Variants in R3HDM2 observed in about 807,000 individuals in gnomAD.
R3HDM2 encodes the protein R3H domain containing 2.
A neutral mutation model predicts 124.5 loss-of-function variants in R3HDM2; 38 were observed. That is an observed-to-expected ratio of 0.31 (90% CI 0.24 to 0.40). The LOEUF (loss-of-function observed/expected upper bound fraction) is 0.40, where lower values mean the gene tolerates loss of function less well. Among genes scored for constraint, R3HDM2 ranks in the 10% least tolerant of loss-of-function variants. The pLI is 1.00. For synonymous variants in R3HDM2, 391 were observed against 448.0 expected (o/e 0.87, Z 1.61); for missense variants, 869 against 1,236.9 (o/e 0.70, Z 4.46).
intron 1 of R3HDM2, among the ~76,000 whole-genome samples, chr12:57,424,895 C>A (rs532454292): frequency 2.0e-5 from 3 of 152,144 alleles, no homozygotes; most frequent in African/African-American, 7.2e-5. Context: ...TAACGGTGCA[C>A]GTAAAACAAA....
At chr12:57,400,534 T>C (rs1246054234) in intron 1 of R3HDM2, among the ~76,000 whole-genome samples, 1 of 151,966 alleles carries the variant, frequency 6.6e-6, no homozygotes, top group African/African-American at 2.4e-5. Context: ...TATACATATA[T>C]AACAAACCCG....
intron 14 of R3HDM2, chr12:57,272,622 T>TGGGGGGGGGGGGGGGGGGGGGGG (rs35275303): frequency 2.8e-5 from 2 of 71,102 alleles, no homozygotes; most frequent in East Asian, 4.2e-4. Context: ...GGGGGTGGGG[T>TGGGGGGGGGGGGGGGGGGGGGGG]GGGGGGGGGG....
rs116601791 is a variant in R3HDM2, at chr12:57,312,532, A to G, written c.-35-2069T>C. ...GACTTGGTTTACTTAGGGCTAGATAAATTATCTTTAGAGGGCCAGAGAGTC... is the reference window on the plus strand; with the variant it reads ...GACTTGGTTTACTTAGGGCTAGATAGATTATCTTTAGAGGGCCAGAGAGTC... On this transcript the variant is annotated intron_variant, in intron 2 of 23. Transcript: ENST00000402412. 7.2e-3 allele frequency among the ~76,000 whole-genome samples: 1,100 copies of G among 152,152 alleles called. 15 individuals carry two copies. The highest frequency in any genetic ancestry group is 0.025 in the African/African-American group (1,046 of 41,500).
intron 1 of R3HDM2, among the ~76,000 whole-genome samples, chr12:57,420,473 CCTT>C (rs2070082263): frequency 6.6e-6 from 1 of 151,684 alleles, no homozygotes; most frequent in South Asian, 2.1e-4. Context: ...CCTTCCTCCT[CCTT>C]GAAACTCCTC....
chr12:57,293,540 A>G (rs1283783025), intron 10 of R3HDM2, among the ~76,000 whole-genome samples: 1 of 152,160 alleles, frequency 6.6e-6, no homozygotes, highest in Non-Finnish European at 1.5e-5. Flanking sequence ...CCTACCATCT[A>G]AATCCTCATC....
chr12:57,415,093 A>G (rs1424357517), intron 1 of R3HDM2, among the ~76,000 whole-genome samples: 1 of 152,172 alleles, frequency 6.6e-6, no homozygotes, highest in African/African-American at 2.4e-5. Flanking sequence ...GACAATTTTT[A>G]TATTTCTAAT....
At chr12:57,386,586 C>T (rs568850369) in intron 2 of R3HDM2, among the ~76,000 whole-genome samples, 1 of 151,660 alleles carries the variant, frequency 6.6e-6, no homozygotes, top group Admixed American at 6.5e-5. Flanking sequence ...CTGAGCCTCC[C>T]TGACGAGCGC....
At chr12:57,334,438 G>A (rs1443565496) in intron 2 of R3HDM2, among the ~76,000 whole-genome samples, 2 of 151,726 alleles carry the variant, frequency 1.3e-5, no homozygotes, top group African/African-American at 4.8e-5. Context: ...CATGGCAACA[G>A]GCTCTATCAC....
intron 2 of R3HDM2, among the ~76,000 whole-genome samples, chr12:57,371,083 CTTT>C (rs775839017): frequency 0.01 from 428 of 40,822 alleles, 5 homozygotes; most frequent in African/African-American, 0.033. Context: ...TATACCATTA[CTTT>C]TTTTTTTTTT....
chr12:57,407,861 C>T (rs2068668674), intron 1 of R3HDM2, among the ~76,000 whole-genome samples: 1 of 152,086 alleles, frequency 6.6e-6, no homozygotes, highest in African/African-American at 2.4e-5. Flanking sequence ...AACTCCTGGG[C>T]TCAAACAATC....
At chr12:57,284,769 T>C (rs956189513) in intron 12 of R3HDM2, among the ~76,000 whole-genome samples, 2 of 152,090 alleles carry the variant, frequency 1.3e-5, no homozygotes, top group South Asian at 2.1e-4. Context: ...AGCAGGGGGG[T>C]TGACTGTGCC....
In R3HDM2 at chr12:57,256,002, T is replaced by C. The variant is rs1195223079; in HGVS notation, c.2620A>G (p.Thr874Ala). The C allele has an allele frequency of 1.2e-6, 2 of 1,613,146 alleles. No homozygotes were observed. Among genetic ancestry groups the C allele is most frequent in the South Asian group, 2.2e-5 (2 of 90,960 alleles). ...TCCCGTGACTCACCAACATCTGCTG[T>C]CCCCAGGTCAGTGGAGGCAGATTTG... ...ALKSASTDLGTADVVLGRVLE... is the reference protein window; with the variant it reads ...ALKSASTDLGAADVVLGRVLE... The change falls in exon 23 of 24, where the codon ACA becomes GCA. Residue 874 changes from threonine (T) to alanine (A), a missense_variant. Transcript: ENST00000402412.
At chr12:57,266,710 C>T (rs977152958) in intron 19 of R3HDM2, 21 bp downstream of exon 19, 31 of 1,541,482 alleles carry the variant, frequency 2.0e-5, no homozygotes, top group Non-Finnish European at 2.8e-5. Context: ...GCCCAAGACC[C>T]ACAGTTCCTT....
At chr12:57,393,142 C>T (rs1235378073) in intron 2 of R3HDM2, among the ~76,000 whole-genome samples, 7 of 150,160 alleles carry the variant, frequency 4.7e-5, no homozygotes, top group East Asian at 2.0e-4. Context: ...CTCGCTCTGT[C>T]GCCCAGGCTG....
chr12:57,270,180 C>T (rs1296170802), intron 14 of R3HDM2, among the ~76,000 whole-genome samples, 186 bp from the exon 15 acceptor site: 1 of 152,132 alleles, frequency 6.6e-6, no homozygotes, highest in Admixed American at 6.6e-5. Flanking sequence ...GCCAGTCTCT[C>T]TATCACATAT....
chr12:57,408,865 G>GA (rs5798405), intron 1 of R3HDM2, among the ~76,000 whole-genome samples: 144,104 of 148,510 alleles, frequency 0.97, 70,037 homozygotes, highest in South Asian at 1. Context: ...AGTTTGGCTT[G>GA]AAAAAAAAAA....
intron 2 of R3HDM2, among the ~76,000 whole-genome samples, chr12:57,346,402 G>A (rs1380910243): frequency 6.6e-6 from 1 of 151,996 alleles, no homozygotes; most frequent in South Asian, 2.1e-4. Context: ...AGGTTGCAGT[G>A]AGCCAAGACC....
At chr12:57,295,699 T>C in intron 9 of R3HDM2, 192 bp from the exon 10 acceptor site, 1 of 549,118 alleles carries the variant, frequency 1.8e-6, no homozygotes, top group Non-Finnish European at 3.3e-6. Flanking sequence ...CTATAACTTC[T>C]CTTCCTCCAT....
chr12:57,358,332 T>A (rs2061520431), intron 2 of R3HDM2, among the ~76,000 whole-genome samples: 1 of 151,956 alleles, frequency 6.6e-6, no homozygotes, highest in South Asian at 2.1e-4. Flanking sequence ...CATAAAGGGA[T>A]TTAGTTAGAA....
Sources: gnomAD v4.1 joint callset for allele counts (sites outside exome capture counted in the v4.1 genomes callset) on GRCh38, gnomAD v4.1.1 for gene constraint, MANE v1.5 for transcripts, NCBI Gene and HGNC (gene_info 2026-07-23, HGNC 2026-07-21) for gene names.